The following SPMIP4 variants were observed in gnomAD, a reference collection of about 807,000 sequenced individuals.
SPMIP4 encodes sperm microtubule inner protein 4.
At chr7:25,141,920 T>G in the SPMIP4 span, among the ~76,000 whole-genome samples, 1 of 152,078 alleles carries the variant, frequency 6.6e-6, no homozygotes, top group Non-Finnish European at 1.5e-5. Flanking sequence ...GTATTTTTAG[T>G]AGAGACAGAG....
At chr7:25,146,658 G>A in the SPMIP4 span, among the ~76,000 whole-genome samples, 9 of 152,212 alleles carry the variant, frequency 5.9e-5, no homozygotes, top group Non-Finnish European at 1.2e-4. Context: ...CTTTGAAGGG[G>A]TGATATCAGT....
At chr7:25,158,368 C>CAAAAA in the SPMIP4 span, 674 of 301,638 alleles carry the variant, frequency 2.2e-3, 9 homozygotes, top group South Asian at 4.8e-3. Flanking sequence ...GACTCTGTCT[C>CAAAAA]AAAAAAAAAA....
chr7:25,168,417 G>GC, the SPMIP4 span: 84 of 1,608,714 alleles, frequency 5.2e-5, no homozygotes, highest in Non-Finnish European at 6.7e-5. Context: ...CTCTTTCAGC[G>GC]CCCCAAGGAA....
chr7:25,148,188 T>C, the SPMIP4 span, among the ~76,000 whole-genome samples: 2 of 152,196 alleles, frequency 1.3e-5, no homozygotes, highest in Non-Finnish European at 2.9e-5. Flanking sequence ...ATGTAATTGG[T>C]GTGGGGTGCA....
At chr7:25,174,866 C>G in the SPMIP4 span, among the ~76,000 whole-genome samples, 2 of 152,096 alleles carry the variant, frequency 1.3e-5, no homozygotes, top group African/African-American at 2.4e-5. This position sits in a 1 kb window ranked among gnomAD's most constrained non-coding sequence, Gnocchi z 4.5. Context: ...AAAATTACCA[C>G]CTGTTTATAT....
At chr7:25,157,667 C>T in the SPMIP4 span, among the ~76,000 whole-genome samples, 1 of 152,102 alleles carries the variant, frequency 6.6e-6, no homozygotes, top group Non-Finnish European at 1.5e-5. Context: ...TTGTCAAGGT[C>T]ATTAAAACAA....
the SPMIP4 span, among the ~76,000 whole-genome samples, chr7:25,132,200 GT>G: frequency 3.3e-5 from 5 of 152,262 alleles, 1 homozygote; most frequent in South Asian, 1.0e-3. The surrounding 1 kb of genome is among the most constrained non-coding windows in gnomAD (Gnocchi z 5.0). Flanking sequence ...TTTACCTCCT[GT>G]TTTCGCCTAA....
chr7:25,137,529 T>C, the SPMIP4 span, among the ~76,000 whole-genome samples: 5 of 152,106 alleles, frequency 3.3e-5, no homozygotes, highest in African/African-American at 1.2e-4. Context: ...CCTCAGTGTA[T>C]TGGCAGGGTT....
At chr7:25,144,271 C>T in the SPMIP4 span, among the ~76,000 whole-genome samples, 1 of 152,172 alleles carries the variant, frequency 6.6e-6, no homozygotes, top group Non-Finnish European at 1.5e-5. Flanking sequence ...GTTCCTTTCA[C>T]CTGCTTTGAC....
At chr7:25,178,133 C>T in the SPMIP4 span, among the ~76,000 whole-genome samples, 1 of 152,212 alleles carries the variant, frequency 6.6e-6, no homozygotes, top group Non-Finnish European at 1.5e-5. Context: ...CTGCAAAGGA[C>T]ATGATCTCGT....
the SPMIP4 span, chr7:25,142,160 C>T: frequency 2.0e-6 from 2 of 987,762 alleles, no homozygotes; most frequent in Non-Finnish European, 3.1e-6. Flanking sequence ...TTGCTAAAAC[C>T]CAGGACACAA....
the SPMIP4 span, among the ~76,000 whole-genome samples, chr7:25,156,984 G>A: frequency 6.6e-6 from 1 of 152,142 alleles, no homozygotes; most frequent in Admixed American, 6.5e-5. Flanking sequence ...ACTGCGCCCG[G>A]CCACTCTGGA....
chr7:25,142,539 G>C, the SPMIP4 span: 1 of 1,100,536 alleles, frequency 9.1e-7, no homozygotes, highest in Non-Finnish European at 1.3e-6. Context: ...TAAATACTTT[G>C]AGAAAAAGGC....
At chr7:25,157,552 T>C in the SPMIP4 span, among the ~76,000 whole-genome samples, 1 of 152,206 alleles carries the variant, frequency 6.6e-6, no homozygotes, top group East Asian at 1.9e-4. Flanking sequence ...ATCTCTGTGG[T>C]CTTCCTTCCA....
chr7:25,131,436 G>C, the SPMIP4 span, among the ~76,000 whole-genome samples: 2 of 152,196 alleles, frequency 1.3e-5, no homozygotes, highest in Non-Finnish European at 2.9e-5. The surrounding 1 kb of genome is among the most constrained non-coding windows in gnomAD (Gnocchi z 4.2). Flanking sequence ...CCACAAAACT[G>C]GTTCCTGATG....
chr7:25,164,895 G>A, the SPMIP4 span, among the ~76,000 whole-genome samples: 1 of 152,176 alleles, frequency 6.6e-6, no homozygotes, highest in African/African-American at 2.4e-5. Context: ...TTCCATTCCT[G>A]AGTTACTTCA....
At chr7:25,158,404 G>C in the SPMIP4 span, 1 of 788,370 alleles carries the variant, frequency 1.3e-6, no homozygotes, top group Non-Finnish European at 2.1e-6. Flanking sequence ...GTTTTCATGG[G>C]AAGTCTCACT....
the SPMIP4 span, among the ~76,000 whole-genome samples, chr7:25,143,746 C>T: frequency 1.3e-5 from 2 of 152,042 alleles, no homozygotes; most frequent in Admixed American, 1.3e-4. Flanking sequence ...CCTGTACCAC[C>T]ACTCCTGGCT....
At chr7:25,136,008 T>C in the SPMIP4 span, 1 of 1,611,614 alleles carries the variant, frequency 6.2e-7, no homozygotes, top group Non-Finnish European at 8.5e-7. The surrounding 1 kb of genome is among the most constrained non-coding windows in gnomAD (Gnocchi z 5.7). Flanking sequence ...GGCCATAGAA[T>C]TGGTGCTTCA....
Sources: gnomAD v4.1 joint callset for allele counts (sites outside exome capture counted in the v4.1 genomes callset) on GRCh38, gnomAD v4.1.1 for gene constraint, Gnocchi (gnomAD v3.1) non-coding constraint, MANE v1.5 for transcripts, NCBI Gene and HGNC (gene_info 2026-07-23, HGNC 2026-07-21) for gene names.